Variants in HMCN1 observed in about 807,000 individuals in gnomAD.
The protein encoded by HMCN1 is hemicentin-1.
A neutral mutation model predicts 625.9 loss-of-function variants in HMCN1; 321 were observed. The observed-to-expected ratio is 0.51, with a 90% CI of 0.47 to 0.56. HMCN1 has a LOEUF of 0.56. HMCN1 is among the 20% of genes least tolerant of loss of function. HMCN1 has a pLI of 0.00. For missense variants in HMCN1, 6,588 were observed against 6,887.3 expected (o/e 0.96, Z 1.54); for synonymous variants, 2,425 against 2,417.6 (o/e 1.00, Z -0.09).
At chr1:186,040,048 A>G (rs1315539719) in intron 39 of HMCN1, among the ~76,000 whole-genome samples, 169 bp downstream of exon 39, 2 of 152,168 alleles carry the variant, frequency 1.3e-5, no homozygotes, top group South Asian at 2.1e-4. Flanking sequence ...GGGGTCCCCA[A>G]ACAATTCATT....
intron 104 of HMCN1, among the ~76,000 whole-genome samples, chr1:186,181,003 G>A (rs1308974276): frequency 6.6e-6 from 1 of 152,120 alleles, no homozygotes; most frequent in Non-Finnish European, 1.5e-5. Flanking sequence ...TTTAGTTTTT[G>A]AAGAAATTGA....
intron 28 of HMCN1, 115 bp downstream of exon 28, chr1:186,001,856 T>C: frequency 1.2e-6 from 1 of 853,688 alleles, no homozygotes; most frequent in South Asian, 1.6e-5. Context: ...AAACTATAGT[T>C]TCATTCTATT....
At chr1:185,945,034 G>C (rs998134028) in intron 11 of HMCN1, among the ~76,000 whole-genome samples, 8 of 152,086 alleles carry the variant, frequency 5.3e-5, no homozygotes, top group Non-Finnish European at 1.0e-4. Flanking sequence ...TTAGATATTT[G>C]TTGTATATAA....
chr1:186,089,013 C>T (rs1281249751), intron 63 of HMCN1, among the ~76,000 whole-genome samples: 1 of 151,910 alleles, frequency 6.6e-6, no homozygotes, highest in Non-Finnish European at 1.5e-5. Context: ...CCATTATTAT[C>T]TTTCTATAGT....
chr1:186,155,856 G>A (rs1458741222), intron 97 of HMCN1, among the ~76,000 whole-genome samples: 1 of 152,216 alleles, frequency 6.6e-6, no homozygotes, highest in African/African-American at 2.4e-5. Context: ...AGCAAATTAT[G>A]TTCTGTCTAG....
At position 186,178,657 on chromosome 1, in the gene HMCN1, C is replaced by T. The variant is rs1452234014; in HGVS notation, c.16185C>T (p.Tyr5395=). Residue 5395 remains tyrosine, a synonymous_variant, in exon 104 of 107, where the codon TAC becomes TAT. Transcript: ENST00000271588. The part of the protein sequence containing the change: ...QQHYRQYSHL[Y]SSYSEYRNSR... ...ATTACAGACAGTACTCACATCTCTACAGCTCCTACTCAGAGTATAGAAACA... is the reference window on the plus strand; with the variant it reads ...ATTACAGACAGTACTCACATCTCTATAGCTCCTACTCAGAGTATAGAAACA... 3 of 1,613,924 alleles carry T rather than the reference C, an allele frequency of 1.9e-6. No homozygotes were observed. The highest frequency in any genetic ancestry group is 1.6e-4 in the Middle Eastern group (1 of 6,062).
chr1:186,146,013 C>A, intron 93 of HMCN1, 90 bp downstream of exon 93: 1 of 1,305,478 alleles, frequency 7.7e-7, no homozygotes, highest in Non-Finnish European at 1.1e-6. Flanking sequence ...AATGCCAACC[C>A]TGAGAGGTGG....
chr1:185,958,377 C>T (rs529661868), intron 11 of HMCN1, among the ~76,000 whole-genome samples: 6 of 152,034 alleles, frequency 3.9e-5, no homozygotes, highest in Admixed American at 6.6e-5. Flanking sequence ...CCTTGGCCTC[C>T]GAAAATGCTG....
chr1:185,765,995 T>C (rs1471093527), intron 1 of HMCN1, among the ~76,000 whole-genome samples: 1 of 152,186 alleles, frequency 6.6e-6, no homozygotes, highest in Non-Finnish European at 1.5e-5. Context: ...GGGTTCTGTG[T>C]ACCCATATCC....
chr1:185,734,758 A>T lies in HMCN1; in HGVS notation c.-22A>T. ...ACAGTGCTTAGGCGCTGAGGGGGAA[A>T]AAGAGGGGGAAAAAAAAGAAAATGA... On this transcript the variant is annotated 5_prime_UTR_variant, in exon 1 of 107. Transcript: ENST00000271588. 1 of 1,613,668 alleles carries T rather than the reference A, an allele frequency of 6.2e-7. No individual in the cohort carries two copies. The highest frequency in any genetic ancestry group is 1.1e-5 in the South Asian group (1 of 91,052).
intron 2 of HMCN1, among the ~76,000 whole-genome samples, chr1:185,846,632 CT>C (rs974251737): frequency 1.3e-5 from 2 of 152,146 alleles, no homozygotes; most frequent in African/African-American, 4.8e-5. Flanking sequence ...TCTTCTGGTG[CT>C]GAATTTATTC....
intron 2 of HMCN1, among the ~76,000 whole-genome samples, chr1:185,861,840 G>A (rs768212628): frequency 6.6e-6 from 1 of 152,182 alleles, no homozygotes; most frequent in African/African-American, 2.4e-5. Context: ...ACCATTGTGA[G>A]ATAATAGTTT....
At position 186,174,574 on chromosome 1, in the gene HMCN1, C is replaced by T. The variant is rs766907875; in HGVS notation, c.15875C>T (p.Thr5292Ile). 3.1e-6 allele frequency: 5 copies of T among 1,613,644 alleles called. No homozygotes were observed. Among genetic ancestry groups the T allele is most frequent in the Non-Finnish European group, 3.4e-6 (4 of 1,179,604 alleles). Reference protein sequence around the residue: ...QCRYNQICENTRGSYRCVCPR... With the variant: ...QCRYNQICENIRGSYRCVCPR... ...AGATATAACCAGATATGTGAGAATA[C>T]AAGAGGCAGCTATCGTTGTGTATGC... The change falls in exon 103 of 107, where the codon ACA becomes ATA. Residue 5292 changes from threonine to isoleucine, a missense_variant. This residue lies in a region of HMCN1 where 1,954 missense variants were observed against 2,013.1 expected (regional missense o/e 0.97). Coordinates refer to ENST00000271588, the MANE Select transcript of HMCN1 (RefSeq NM_031935.3).
intron 1 of HMCN1, among the ~76,000 whole-genome samples, chr1:185,777,763 T>C (rs1656722546): frequency 6.6e-6 from 1 of 152,194 alleles, no homozygotes; most frequent in Non-Finnish European, 1.5e-5. Context: ...TTTCTTTACA[T>C]CTTATTTATG....
intron 105 of HMCN1, among the ~76,000 whole-genome samples, chr1:186,182,667 T>C (rs1400255344): frequency 6.6e-6 from 1 of 152,234 alleles, no homozygotes; most frequent in Non-Finnish European, 1.5e-5. Context: ...TTATTTTATA[T>C]GTTGTCCCTC....
In HMCN1 at chr1:185,933,639, A is replaced by C; in HGVS notation, c.1643A>C (p.Asp548Ala). ...ACATGTCTCATCATCAGTGCGGTGG[A>C]TTACAATCTAACCTGGCAGAGGAAT... is the stretch of plus-strand genomic sequence containing the variant. ...VLTCLIISAV[D>A]YNLTWQRNDR... is the part of the protein sequence containing the mutation. Residue 548 changes from aspartate (D) to alanine (A), a missense_variant, in exon 11 of 107, where the codon GAT becomes GCT. Asp to Ala is a moderately radical substitution (Grantham distance 126). Around this residue, in one of 3 missense-constraint regions of HMCN1, gnomAD observed 4,628 missense variants for 4,853.1 expected, o/e 0.95. Transcript: ENST00000271588. The C allele has an allele frequency of 6.2e-7, 1 of 1,614,040 alleles. No individual in the cohort carries two copies.
intron 73 of HMCN1, among the ~76,000 whole-genome samples, chr1:186,114,397 A>G (rs531108848): frequency 6.6e-6 from 1 of 152,150 alleles, no homozygotes; most frequent in East Asian, 1.9e-4. Context: ...AGCTGAGATT[A>G]AAGACGCACG....
intron 30 of HMCN1, among the ~76,000 whole-genome samples, chr1:186,012,467 C>T (rs565981703): frequency 2.6e-5 from 4 of 151,724 alleles, no homozygotes; most frequent in Non-Finnish European, 5.9e-5. Context: ...TCAGTAACAT[C>T]TGTCAACTTG....
At chr1:186,003,563 A>G (rs947343267) in intron 28 of HMCN1, among the ~76,000 whole-genome samples, 155 bp from the exon 29 acceptor site, 1 of 152,188 alleles carries the variant, frequency 6.6e-6, no homozygotes, top group Non-Finnish European at 1.5e-5. Context: ...ATTTGGGTAC[A>G]CAGAAATGAT....
Sources: gnomAD v4.1 joint callset for allele counts (sites outside exome capture counted in the v4.1 genomes callset) on GRCh38, gnomAD v4.1.1 for gene constraint, gnomAD v4.1.1 regional missense constraint, MANE v1.5 for transcripts, NCBI Gene and HGNC (gene_info 2026-07-23, HGNC 2026-07-21) for gene names.